AGAP3: variants seen among roughly 807,000 people sequenced by gnomAD.
AGAP3 encodes the protein arf-GAP with GTPase, ANK repeat and PH domain-containing protein 3.
Under a neutral mutation model 96.9 loss-of-function variants are expected in AGAP3, and 24 were observed. The ratio of observed to expected loss-of-function variants is 0.25; its 90% CI spans 0.18 to 0.35. The LOEUF (loss-of-function observed/expected upper bound fraction) is 0.35, where lower values mean the gene tolerates loss of function less well. Ranked by LOEUF, AGAP3 falls within the 10% of genes least tolerant of loss-of-function variation. AGAP3 has a pLI of 1.00. For missense variants in AGAP3, 876 were observed against 1,254.2 expected, an observed-to-expected ratio of 0.70 and a Z score of 4.55; for synonymous variants, 563 against 536.1, an observed-to-expected ratio of 1.05 and a Z score of -0.69.
At chr7:151,105,144 A>T (rs1290239529) in intron 1 of AGAP3, among the ~76,000 whole-genome samples, 1 of 152,234 alleles carries the variant, frequency 6.6e-6, no homozygotes, top group African/African-American at 2.4e-5. Flanking sequence ...GTGCACATTT[A>T]TACTAGCCAC....
rs1171618614 is a variant in AGAP3 at position 151,133,200 on chromosome 7, A to T, written c.1327-1200A>T. Among the ~76,000 whole-genome samples, 1 of 152,182 alleles carries T rather than the reference A, an allele frequency of 6.6e-6. No individual in the cohort carries two copies. ...GTTCTTCTCTCAGGAAGGGGCATAG[A>T]CCCATGGAGAGGAATTTGTGCCACT... On this transcript the variant is annotated intron_variant, in intron 10 of 17. Transcript: ENST00000397238. This position sits in a 1 kb window ranked among gnomAD's most constrained non-coding sequence, Gnocchi z 5.4.
rs1799477093 is a variant in AGAP3 at position 151,114,933 on chromosome 7, G to C, written c.332-1860G>C. ...CCTCTGCGCCGCCAGTGAGCAGCCG[G>C]CGCGGCCGCGGAGCGTGTGCTCGGG... On this transcript the variant is annotated intron_variant, in intron 1 of 17. Transcript: ENST00000397238. This position sits in a 1 kb window ranked among gnomAD's most constrained non-coding sequence, Gnocchi z 4.4. 15 of 986,034 alleles carry C rather than the reference G, an allele frequency of 1.5e-5. No individual in the cohort carries two copies. Among genetic ancestry groups the C allele is most frequent in the South Asian group, 1.4e-4 (3 of 21,720 alleles). 61.1% of individuals were successfully genotyped at this position (986,034 alleles called of 1,614,324 possible). A position where few individuals can be genotyped will look rare whatever the true frequency, so the allele number is the denominator to read the frequency against.
At chr7:151,104,224 T>C (rs1798948918) in intron 1 of AGAP3, among the ~76,000 whole-genome samples, 2 of 152,244 alleles carry the variant, frequency 1.3e-5, no homozygotes. Context: ...CTGTAAGTAT[T>C]AGCCAGTGTT....
chr7:151,117,935 G>C (rs1799675879), intron 5 of AGAP3, 158 bp downstream of exon 5: 1 of 1,147,422 alleles, frequency 8.7e-7, no homozygotes, highest in Middle Eastern at 3.1e-4. Context: ...TCGTGTCTGA[G>C]GGCTTTTGCC....
intron 1 of AGAP3, among the ~76,000 whole-genome samples, chr7:151,110,406 A>C (rs918689504): frequency 6.6e-6 from 1 of 152,198 alleles, no homozygotes; most frequent in African/African-American, 2.4e-5. Context: ...TTCAGGGACA[A>C]GCAGGGCAGA....
At chr7:151,087,445 C>G (rs1342895526) in intron 1 of AGAP3, among the ~76,000 whole-genome samples, 1 of 152,174 alleles carries the variant, frequency 6.6e-6, no homozygotes. Flanking sequence ...GGGCCCTGCT[C>G]CGCAGTGGGG....
chr7:151,114,792 G>T lies in AGAP3; in HGVS notation c.332-2001G>T. The T allele has an allele frequency of 2.9e-6, 3 of 1,039,856 alleles. No individual in the cohort carries two copies. The highest frequency in any genetic ancestry group is 2.3e-6 in the Non-Finnish European group (2 of 867,304). 64.4% of individuals were successfully genotyped at this position (1,039,856 alleles called of 1,614,324 possible). A position where few individuals can be genotyped will look rare whatever the true frequency, so the allele number is the denominator to read the frequency against. The stretch of plus-strand genomic sequence containing the variant: ...GAGCATGGAGCGGGGCTGGCCGCAG[G>T]GGGACAGCTGTCCCGGGGAGCGGCC... On this transcript the variant is annotated intron_variant, in intron 1 of 17. Transcript: ENST00000397238. The surrounding 1 kb of genome is among the most constrained non-coding windows in gnomAD (Gnocchi z 4.4).
chr7:151,120,581 G>C (rs761571433), intron 8 of AGAP3: 1 of 1,275,208 alleles, frequency 7.8e-7, no homozygotes, highest in South Asian at 1.2e-5. Flanking sequence ...AGCTGGCCCA[G>C]CTAGAGTCAG....
chr7:151,140,119 TA>T lies in AGAP3; in HGVS notation c.1804+4del, dbSNP rs1656801915. 1 of 1,581,136 alleles carries T rather than the reference TA, an allele frequency of 6.3e-7. No homozygotes were observed. The highest frequency in any genetic ancestry group is 8.6e-7 in the Non-Finnish European group (1 of 1,165,232). ...CGGCCCCAGCAGTGCTACTGAAGGTTAGGGGGACCCAGAGGGAAACCGGGCA... is the reference window on the plus strand; with the variant it reads ...CGGCCCCAGCAGTGCTACTGAAGGTTGGGGGACCCAGAGGGAAACCGGGCA... On this transcript the variant is annotated splice_donor_region_variant and intron_variant, in intron 13 of 17. Coordinates refer to ENST00000397238, the MANE Select transcript of AGAP3 (RefSeq NM_031946.7). The surrounding 1 kb of genome is among the most constrained non-coding windows in gnomAD (Gnocchi z 5.4).
chr7:151,119,003 C>T (rs1176844728), intron 7 of AGAP3, among the ~76,000 whole-genome samples: 1 of 152,240 alleles, frequency 6.6e-6, no homozygotes, highest in African/African-American at 2.4e-5. Context: ...CTCTCCAAGG[C>T]CTGCCCTGGC....
At position 151,114,643 on chromosome 7, in the gene AGAP3, G is replaced by C. The variant is rs1799449692; in HGVS notation, c.332-2150G>C. The C allele has an allele frequency of 5.6e-6, 5 of 891,734 alleles. No homozygotes were observed. In the East Asian group the frequency reaches 4.7e-4, roughly 83 times the overall value. The allele number at this position is 891,734 out of a possible 1,614,324, so 55.2% of individuals were successfully genotyped here. A position where few individuals can be genotyped will look rare whatever the true frequency, so the allele number is the denominator to read the frequency against. On this transcript the variant is annotated intron_variant, in intron 1 of 17. Coordinates refer to ENST00000397238, the MANE Select transcript of AGAP3 (RefSeq NM_031946.7). This position sits in a 1 kb window ranked among gnomAD's most constrained non-coding sequence, Gnocchi z 4.4. The stretch of plus-strand genomic sequence containing the variant: ...TTGCCGGCCGCGAGGTGGAGGAGTT[G>C]AGGGACTCGGTCGGCCCACACCAGG...
At chr7:151,109,122 G>T (rs1799173831) in intron 1 of AGAP3, among the ~76,000 whole-genome samples, 1 of 147,642 alleles carries the variant, frequency 6.8e-6, no homozygotes, top group Admixed American at 6.9e-5. Context: ...GAGCCCAGGA[G>T]TTCTAGACCA....
chr7:151,128,823 G>C (rs1800287322), intron 10 of AGAP3, 139 bp downstream of exon 10: 1 of 743,204 alleles, frequency 1.3e-6, no homozygotes, highest in South Asian at 1.7e-5. Flanking sequence ...CCCTGGAGAA[G>C]GAACCTCACA....
chr7:151,123,205 C>G (rs772335474), intron 8 of AGAP3: 59 of 1,083,078 alleles, frequency 5.4e-5, no homozygotes, highest in Non-Finnish European at 6.4e-5. Flanking sequence ...CCGCCGCCGC[C>G]GCCGCGCTTG....
chr7:151,086,653 C>T lies in AGAP3; in HGVS notation c.-89C>T. 1 of 142,798 alleles carries T rather than the reference C, an allele frequency of 7.0e-6. No individual in the cohort carries two copies. The highest frequency in any genetic ancestry group is 2.0e-4 in the South Asian group (1 of 5,018). 8.8% of individuals were successfully genotyped at this position (142,798 alleles called of 1,614,324 possible). On this transcript the variant is annotated 5_prime_UTR_variant, in exon 1 of 18. Coordinates refer to ENST00000397238, the MANE Select transcript of AGAP3 (RefSeq NM_031946.7). Reference sequence around the variant, plus strand: ...AGTAGTCCCGGCCCCGCCAGCCCCGCGCTCCCGCTCGCCGCTGCCGCCGCC... The same window carrying T: ...AGTAGTCCCGGCCCCGCCAGCCCCGTGCTCCCGCTCGCCGCTGCCGCCGCC...
intron 10 of AGAP3, 131 bp downstream of exon 10, chr7:151,128,815 C>T: frequency 1.3e-6 from 1 of 779,552 alleles, no homozygotes; most frequent in Non-Finnish European, 2.1e-6. Context: ...TGGCTCATCC[C>T]TGGAGAAGGA....
intron 9 of AGAP3, among the ~76,000 whole-genome samples, chr7:151,125,208 G>A (rs1386603263): frequency 1.3e-5 from 2 of 152,202 alleles, no homozygotes; most frequent in African/African-American, 4.8e-5. Flanking sequence ...GGAAGGCGTG[G>A]GCGGTGAGTG....
intron 1 of AGAP3, among the ~76,000 whole-genome samples, chr7:151,101,813 A>C (rs968449255): frequency 7.2e-5 from 11 of 152,106 alleles, no homozygotes; most frequent in African/African-American, 2.7e-4. Flanking sequence ...GGAGAGAATC[A>C]TCTCCCACCC....
intron 1 of AGAP3, among the ~76,000 whole-genome samples, chr7:151,104,276 C>A (rs1039743089): frequency 6.6e-6 from 1 of 152,178 alleles, no homozygotes; most frequent in Non-Finnish European, 1.5e-5. Context: ...TTTAGTGTCG[C>A]CCTTGTGTCA....
Sources: gnomAD v4.1 joint callset for allele counts (sites outside exome capture counted in the v4.1 genomes callset) on GRCh38, gnomAD v4.1.1 for gene constraint, Gnocchi (gnomAD v3.1) non-coding constraint, MANE v1.5 for transcripts, NCBI Gene and HGNC (gene_info 2026-07-23, HGNC 2026-07-21) for gene names.